Variants in TTC27 observed in about 807,000 individuals in gnomAD.
The protein encoded by TTC27 is tetratricopeptide repeat domain 27.
In TTC27, 79 loss-of-function variants were observed where a neutral mutation model predicts 115.9. The ratio of observed to expected loss-of-function variants is 0.68; its 90% CI spans 0.57 to 0.82. The LOEUF is 0.82. Ranked by LOEUF, TTC27 falls within the 40% of genes least tolerant of loss-of-function variation. The probability of loss-of-function intolerance (pLI) is 0.00; values close to 1 mark genes in which losing one functional copy is unlikely to be tolerated. For synonymous variants in TTC27, 401 were observed against 356.0 expected (o/e 1.13, Z -1.42); for missense variants, 1,054 against 993.1 (o/e 1.06, Z -0.82).
In TTC27 at chr2:32,757,858, C is replaced by T. The variant is rs571483845; in HGVS notation, c.1453-434C>T. On this transcript the variant is annotated intron_variant, in intron 12 of 19. Coordinates refer to ENST00000317907, the MANE Select transcript of TTC27 (RefSeq NM_017735.5). ...GATTACAGGCAGGCACCTGCCACCA[C>T]GCCCGGCTAATTTTTGTATTTTTAG... 1.1e-4 allele frequency among the ~76,000 whole-genome samples: 17 copies of T among 152,268 alleles called. No homozygotes were observed. The East Asian group carries it at 2.7e-3, about 24-fold the overall frequency.
At chr2:32,675,880 C>G (rs1666180182) in intron 8 of TTC27, among the ~76,000 whole-genome samples, 1 of 152,000 alleles carries the variant, frequency 6.6e-6, no homozygotes, top group Non-Finnish European at 1.5e-5. Flanking sequence ...CAACCTCCGA[C>G]TCCCAGGTTC....
intron 10 of TTC27, among the ~76,000 whole-genome samples, chr2:32,715,362 T>C (rs1667719493): frequency 6.6e-6 from 1 of 152,166 alleles, no homozygotes; most frequent in South Asian, 2.1e-4. Context: ...TTGTCAACTT[T>C]CTCAAAGATC....
At chr2:32,738,309 T>A (rs1444024554) in intron 12 of TTC27, among the ~76,000 whole-genome samples, 1 of 152,232 alleles carries the variant, frequency 6.6e-6, no homozygotes, top group Non-Finnish European at 1.5e-5. Context: ...TGGAAGCACT[T>A]AATCTATTTG....
chr2:32,684,459 T>G (rs759469859), intron 9 of TTC27, among the ~76,000 whole-genome samples: 4 of 151,938 alleles, frequency 2.6e-5, no homozygotes, highest in Non-Finnish European at 5.9e-5. Flanking sequence ...AAAAAAAAGT[T>G]TGTTTAAGTG....
In TTC27 at chr2:32,758,383, A is replaced by G. The variant is rs1669313396; in HGVS notation, c.1544A>G (p.Tyr515Cys). Residue 515 changes from tyrosine (Y) to cysteine (C), a missense_variant, in exon 13 of 20, where the codon TAT (tyrosine) becomes TGT (cysteine). By Grantham distance (194) the Tyr-to-Cys change is radical. Transcript: ENST00000317907. ...LGDVLGDHSCYDKAWELSRYR... is the reference protein window; with the variant it reads ...LGDVLGDHSCCDKAWELSRYR... ...GATGTCCTCGGAGACCATTCTTGCT[A>G]TGACAAGGCCTGGGAGTTGTCCCGG... 1.2e-6 allele frequency: 2 copies of G among 1,614,248 alleles called. No homozygotes were observed. Among genetic ancestry groups the G allele is most frequent in the Non-Finnish European group, 1.7e-6 (2 of 1,180,046 alleles).
intron 10 of TTC27, among the ~76,000 whole-genome samples, chr2:32,728,432 C>T (rs1477346857): frequency 6.6e-6 from 1 of 151,434 alleles, no homozygotes; most frequent in Non-Finnish European, 1.5e-5. Context: ...CCAGTTCCTA[C>T]CAACCCATAC....
intron 2 of TTC27, among the ~76,000 whole-genome samples, chr2:32,632,178 T>TTTTG (rs1664244520): frequency 6.6e-6 from 1 of 151,602 alleles, no homozygotes; most frequent in Non-Finnish European, 1.5e-5. Flanking sequence ...TTTTTTTTTT[T>TTTTG]TTAGTTCCTT....
chr2:32,675,263 A>G (rs7594173), intron 8 of TTC27, among the ~76,000 whole-genome samples: 39,136 of 152,052 alleles, frequency 0.26, 5,621 homozygotes, highest in Middle Eastern at 0.44. Flanking sequence ...GTTCTTCTTT[A>G]TGTTACTTAA....
rs186576626 is a variant in TTC27 at position 32,720,776 on chromosome 2, A to T, written c.1234-13052A>T. On this transcript the variant is annotated intron_variant, in intron 10 of 19. Coordinates refer to ENST00000317907, the MANE Select transcript of TTC27 (RefSeq NM_017735.5). ...ATATGTTCACTCTGTATTTTTTAGC[A>T]TACCAGAAGACAAAGCTTTCCTTTA... 1.1e-4 allele frequency among the ~76,000 whole-genome samples: 17 copies of T among 152,350 alleles called. 1 individual carries two copies. The South Asian group carries it at 2.7e-3, about 24-fold the overall frequency.
intron 12 of TTC27, among the ~76,000 whole-genome samples, chr2:32,747,949 C>A (rs1668884230): frequency 6.6e-6 from 1 of 151,106 alleles, no homozygotes; most frequent in African/African-American, 2.4e-5. Flanking sequence ...TTTTTTGATC[C>A]TCTGTTTTTT....
Position 32,811,039 on chromosome 2 carries a change from G to C in TTC27, c.2014G>C (p.Val672Leu). ...CATTTTTAAGGTCCTTAAAATTCTAGTCAGGGCAGTGATTGATGGGATGAC... is the reference window on the plus strand; with the variant it reads ...CATTTTTAAGGTCCTTAAAATTCTACTCAGGGCAGTGATTGATGGGATGAC... ...YKDVQVLKIL[V>L]RAVIDGMTDR... Residue 672 changes from valine to leucine, a missense_variant, in exon 17 of 20, where the codon GTC becomes CTC. Val to Leu is a conservative substitution (Grantham distance 32). Transcript: ENST00000317907. The C allele has an allele frequency of 6.2e-7, 1 of 1,614,110 alleles. No homozygotes were observed. The highest frequency in any genetic ancestry group is 1.1e-5 in the South Asian group (1 of 91,072).
intron 4 of TTC27, among the ~76,000 whole-genome samples, chr2:32,641,557 C>T (rs1215678331): frequency 6.6e-6 from 1 of 152,262 alleles, no homozygotes; most frequent in Non-Finnish European, 1.5e-5. Context: ...CTGGCTGACC[C>T]CTGCTCCATC....
intron 13 of TTC27, among the ~76,000 whole-genome samples, chr2:32,762,594 G>A (rs1230874625): frequency 6.6e-6 from 1 of 151,760 alleles, no homozygotes. Context: ...TGGAGGCTGA[G>A]TTAAGAGACT....
chr2:32,791,636 T>C (rs112687136), intron 16 of TTC27, among the ~76,000 whole-genome samples: 11,349 of 152,248 alleles, frequency 0.075, 667 homozygotes, highest in African/African-American at 0.16. Flanking sequence ...GGAAGATTTA[T>C]GTCAAAAGCA....
Position 32,743,286 on chromosome 2 carries a change from G to T in TTC27, c.1452+6470G>T, listed in dbSNP as rs1477958544. ...TTAAGGCACAGATCACAGCCAAAAA[G>T]GGTAGTTTCATTCCTTCTCACTCAA... On this transcript the variant is annotated intron_variant, in intron 12 of 19. Coordinates refer to ENST00000317907, the MANE Select transcript of TTC27 (RefSeq NM_017735.5). 2.6e-5 allele frequency among the ~76,000 whole-genome samples: 4 copies of T among 152,226 alleles called. No homozygotes were observed. In the East Asian group the frequency reaches 7.7e-4, roughly 29 times the overall value.
chr2:32,721,482 G>T (rs1047750012), intron 10 of TTC27, among the ~76,000 whole-genome samples: 2 of 152,082 alleles, frequency 1.3e-5, no homozygotes, highest in African/African-American at 4.8e-5. Context: ...GTATCAGGAA[G>T]GTTGTTGTCA....
chr2:32,787,161 C>T lies in TTC27; in HGVS notation c.1998+12C>T, dbSNP rs1670377940. 1 of 1,601,394 alleles carries T rather than the reference C, an allele frequency of 6.2e-7. No individual in the cohort carries two copies. Among genetic ancestry groups the T allele is most frequent in the South Asian group, 1.1e-5 (1 of 88,242 alleles). On this transcript the variant is annotated intron_variant, in intron 16 of 19. Transcript: ENST00000317907. ...ACAAAGATGTTCAGGTAGGATATTCCTATTCCGTTATTTCAGTTTGTGTTT... is the reference window on the plus strand; with the variant it reads ...ACAAAGATGTTCAGGTAGGATATTCTTATTCCGTTATTTCAGTTTGTGTTT...
chr2:32,697,359 C>T (rs373662516), intron 9 of TTC27, among the ~76,000 whole-genome samples: 5 of 152,144 alleles, frequency 3.3e-5, no homozygotes, highest in Non-Finnish European at 7.3e-5. Context: ...GACACCATTC[C>T]AAATCTGATG....
rs1421629570 is a variant in TTC27, at chr2:32,771,739, A to G, written c.1681-6143A>G. Among the ~76,000 whole-genome samples, 3 of 152,284 alleles carry G rather than the reference A, an allele frequency of 2.0e-5. No homozygotes were observed. The East Asian group carries it at 5.8e-4, about 29-fold the overall frequency. On this transcript the variant is annotated intron_variant, in intron 13 of 19. Transcript: ENST00000317907. ...CACATGAGGAAAAAAATGAGCATCA[A>G]GCATCACTTTAGGAAAAGCTACTAT...
Sources: allele counts gnomAD v4.1 joint callset (sites outside exome capture counted in the v4.1 genomes callset), GRCh38; gene constraint gnomAD v4.1.1; transcripts MANE v1.5; gene names NCBI Gene and HGNC (gene_info 2026-07-23, HGNC 2026-07-21).